ZBTB20: variants seen among roughly 807,000 people sequenced by gnomAD.
The protein encoded by ZBTB20 is zinc finger and BTB domain containing 20.
ZBTB20 carries 9 observed loss-of-function variants against 56.9 expected under a neutral mutation model. The ratio of observed to expected loss-of-function variants is 0.16; its 90% CI spans 0.10 to 0.28. The LOEUF is 0.28. ZBTB20 is among the 10% of genes least tolerant of loss of function. The pLI, the probability that ZBTB20 is intolerant of heterozygous loss-of-function variation, is 1.00. For synonymous variants in ZBTB20, 417 were observed against 420.7 expected (o/e 0.99, Z 0.11); for missense variants, 655 against 1,003.0 (o/e 0.65, Z 4.69).
At chr3:114,550,833 C>T (rs1223638011) in intron 6 of ZBTB20, among the ~76,000 whole-genome samples, 7 of 152,200 alleles carry the variant, frequency 4.6e-5, no homozygotes, top group African/African-American at 1.7e-4. Context: ...TCACTGCAAC[C>T]TCTGCCTCCT....
intron 4 of ZBTB20, among the ~76,000 whole-genome samples, chr3:114,858,526 G>A (rs1281467921): frequency 6.6e-5 from 8 of 121,934 alleles, no homozygotes; most frequent in South Asian, 2.5e-4. Flanking sequence ...GCGTGTATTC[G>A]TGTGTGTGTG....
chr3:114,685,466 C>T (rs2062273945), intron 6 of ZBTB20, among the ~76,000 whole-genome samples: 1 of 152,208 alleles, frequency 6.6e-6, no homozygotes, highest in Non-Finnish European at 1.5e-5. Flanking sequence ...AAGCAGCCCT[C>T]GGCAGGTTTC....
intron 2 of ZBTB20, among the ~76,000 whole-genome samples, chr3:114,984,109 A>G (rs1030908908): frequency 6.6e-6 from 1 of 151,930 alleles, no homozygotes; most frequent in Non-Finnish European, 1.5e-5. Flanking sequence ...CCACATCATA[A>G]TCCAGTCCAT....
intron 6 of ZBTB20, among the ~76,000 whole-genome samples, chr3:114,564,622 C>A (rs967526091): frequency 1.3e-5 from 2 of 152,130 alleles, no homozygotes; most frequent in African/African-American, 4.8e-5. Flanking sequence ...TTTAGTCAAT[C>A]CCATTTATAT....
intron 3 of ZBTB20, among the ~76,000 whole-genome samples, chr3:114,953,140 A>G (rs2077129466): frequency 2.0e-5 from 3 of 152,048 alleles, no homozygotes; most frequent in African/African-American, 7.2e-5. Context: ...TAAATGTCTA[A>G]AATATTGATT....
rs1413483408 is a variant in ZBTB20 at position 114,321,381 on chromosome 3, A to C, written c.*17624T>G. The stretch of plus-strand genomic sequence containing the variant: ...ACAGACCCCAATGTCCTCTGAGTAA[A>C]TATATGTCAGCTCAGCTCCTGACAT... On this transcript the variant is annotated 3_prime_UTR_variant, in exon 12 of 12. Transcript: ENST00000675478. The C allele has an allele frequency of 6.6e-6, 1 of 152,198 alleles. No individual in the cohort carries two copies. The highest frequency in any genetic ancestry group is 1.5e-5 in the Non-Finnish European group (1 of 68,062). 9.4% of individuals were successfully genotyped at this position (152,198 alleles called of 1,614,324 possible).
intron 2 of ZBTB20, among the ~76,000 whole-genome samples, chr3:114,982,947 CTCTA>C (rs779482611): frequency 1.3e-5 from 2 of 151,900 alleles, no homozygotes; most frequent in Non-Finnish European, 2.9e-5. Context: ...CATCCTTTGC[CTCTA>C]TCTATCTCTA....
At chr3:115,140,736 A>T (rs2084790809) in intron 1 of ZBTB20, among the ~76,000 whole-genome samples, 1 of 152,190 alleles carries the variant, frequency 6.6e-6, no homozygotes. Flanking sequence ...TAATGACAGT[A>T]AGAAAATGGG....
intron 1 of ZBTB20, among the ~76,000 whole-genome samples, chr3:115,083,761 A>G (rs1393143372): frequency 1.3e-5 from 2 of 152,012 alleles, no homozygotes; most frequent in East Asian, 3.9e-4. Context: ...TGTGCATGAT[A>G]GAGATGGGCT....
intron 2 of ZBTB20, among the ~76,000 whole-genome samples, chr3:115,009,530 T>C (rs1044400055): frequency 1.3e-5 from 2 of 151,880 alleles, no homozygotes; most frequent in Non-Finnish European, 2.9e-5. Flanking sequence ...ATGTGCATGT[T>C]CATGTGCCTC....
At chr3:114,744,682 CCATATAAATGCAGAAGAGATCAGA>C (rs1340805608) in intron 5 of ZBTB20, among the ~76,000 whole-genome samples, 3 of 152,042 alleles carry the variant, frequency 2.0e-5, no homozygotes, top group African/African-American at 7.2e-5. Flanking sequence ...GCGATAGTCA[CCATATAAATGCAGAAGAGATCAGA>C]CATGAATAGA....
intron 3 of ZBTB20, among the ~76,000 whole-genome samples, chr3:114,942,563 C>T (rs1000437221): frequency 6.9e-6 from 1 of 145,674 alleles, no homozygotes; most frequent in East Asian, 1.9e-4. Flanking sequence ...ATAAGAAGAA[C>T]TCCAGTTCTA....
intron 4 of ZBTB20, among the ~76,000 whole-genome samples, chr3:114,839,465 A>AAGAAAGAAAGAAAGAAAGAAAGAAAGAG (rs767019231): frequency 3.4e-5 from 5 of 148,260 alleles, no homozygotes; most frequent in African/African-American, 1.0e-4. Flanking sequence ...GAAAGAAAGA[A>AAGAAAGAAAGAAAGAAAGAAAGAAAGAG]AGAGAGAGAG....
intron 1 of ZBTB20, among the ~76,000 whole-genome samples, chr3:115,128,097 C>G (rs1334061393): frequency 6.6e-6 from 1 of 152,128 alleles, no homozygotes; most frequent in African/African-American, 2.4e-5. Flanking sequence ...ATGACATATG[C>G]ATCCAAGAAT....
At chr3:115,046,062 A>T (rs2081322346) in intron 2 of ZBTB20, among the ~76,000 whole-genome samples, 1 of 152,186 alleles carries the variant, frequency 6.6e-6, no homozygotes, top group Non-Finnish European at 1.5e-5. Flanking sequence ...CTTCATTTGT[A>T]CTGAATCAGA....
At position 115,033,925 on chromosome 3, in the gene ZBTB20, T is replaced by C. The variant is rs868409754; in HGVS notation, c.-507+37294A>G. ...CCCTATGACCAAGTAGGATTTGTCG[T>C]TGAAATGCAAGGATTTTTAACAGAT... On this transcript the variant is annotated intron_variant, in intron 2 of 11. Coordinates refer to ENST00000675478, the MANE Select transcript of ZBTB20 (RefSeq NM_001348800.3). Among the ~76,000 whole-genome samples the C allele has an allele frequency of 2.6e-5, 4 of 151,832 alleles. No individual in the cohort carries two copies. In the Middle Eastern group the frequency reaches 0.014, roughly 516 times the overall value.
intron 4 of ZBTB20, among the ~76,000 whole-genome samples, chr3:114,820,144 A>G (rs969137228): frequency 2.0e-5 from 3 of 152,002 alleles, no homozygotes; most frequent in African/African-American, 7.2e-5. Context: ...ACATAATCCA[A>G]GATGCAGATA....
intron 6 of ZBTB20, among the ~76,000 whole-genome samples, chr3:114,596,001 C>T (rs982666406): frequency 1.3e-5 from 2 of 152,120 alleles, no homozygotes; most frequent in African/African-American, 4.8e-5. Context: ...GTAGGGAGGA[C>T]AACTGAGAAA....
chr3:114,478,786 A>G (rs1428779674), intron 7 of ZBTB20, among the ~76,000 whole-genome samples: 1 of 152,204 alleles, frequency 6.6e-6, no homozygotes, highest in Non-Finnish European at 1.5e-5. Context: ...TACAAACCTT[A>G]TGAAAAATTA....
Sources: gnomAD v4.1 joint callset for allele counts (sites outside exome capture counted in the v4.1 genomes callset) on GRCh38, gnomAD v4.1.1 for gene constraint, MANE v1.5 for transcripts, NCBI Gene and HGNC (gene_info 2026-07-23, HGNC 2026-07-21) for gene names.